The following EIF4B variants were observed in gnomAD, a reference collection of about 807,000 sequenced individuals.
The protein encoded by EIF4B is eukaryotic translation initiation factor 4B.
A neutral mutation model predicts 79.3 loss-of-function variants in EIF4B; 8 were observed. The observed-to-expected ratio is 0.10, with a 90% CI of 0.06 to 0.18. EIF4B has a LOEUF of 0.18. EIF4B is among the 10% of genes least tolerant of loss of function. The pLI, the probability that EIF4B is intolerant of heterozygous loss-of-function variation, is 1.00. For missense variants in EIF4B, 515 were observed against 792.4 expected, an observed-to-expected ratio of 0.65 and a Z score of 4.20; for synonymous variants, 238 against 274.7, an observed-to-expected ratio of 0.87 and a Z score of 1.32.
At chr12:53,035,994 C>T (rs1191824114) in intron 10 of EIF4B, among the ~76,000 whole-genome samples, 2 of 978 alleles carry the variant, frequency 2.0e-3, no homozygotes, top group African/African-American at 3.5e-3. Flanking sequence ...ATTTTTTGAA[C>T]GGGCTGGTCT....
chr12:53,039,794 T>C (rs1943600154), intron 14 of EIF4B, 92 bp downstream of exon 14: 3 of 1,413,380 alleles, frequency 2.1e-6, no homozygotes, highest in Non-Finnish European at 2.9e-6. Context: ...TTCTTAGTAT[T>C]CTAAACTTTT....
At chr12:53,008,100 C>T (rs1942998624) in intron 1 of EIF4B, among the ~76,000 whole-genome samples, 1 of 152,172 alleles carries the variant, frequency 6.6e-6, no homozygotes, top group African/African-American at 2.4e-5. Flanking sequence ...TTAAACTAAC[C>T]ATTGCTTAAA....
At position 53,016,115 on chromosome 12, in the gene EIF4B, G is replaced by A. The variant is rs572016455; in HGVS notation, c.14-358G>A. 5.9e-5 allele frequency among the ~76,000 whole-genome samples: 9 copies of A among 152,236 alleles called. No homozygotes were observed. In the South Asian group the frequency reaches 1.7e-3, roughly 28 times the overall value. Reference sequence around the variant, plus strand: ...TTTATTGATCTTTTTTATCCAAAGAGCAGTGAAAGTAGTAACTGAATAGAA... The same window carrying A: ...TTTATTGATCTTTTTTATCCAAAGAACAGTGAAAGTAGTAACTGAATAGAA... On this transcript the variant is annotated intron_variant, in intron 1 of 14. Transcript: ENST00000262056.
intron 6 of EIF4B, among the ~76,000 whole-genome samples, chr12:53,027,217 T>G (rs1943352282): frequency 7.0e-6 from 1 of 143,190 alleles, no homozygotes. Flanking sequence ...CAGCGCAACC[T>G]CCGCCTCCCG....
chr12:53,040,445 A>C lies in EIF4B; in HGVS notation c.*222A>C. 1 of 461,856 alleles carries C rather than the reference A, an allele frequency of 2.2e-6. No individual in the cohort carries two copies. The highest frequency in any genetic ancestry group is 3.9e-6 in the Non-Finnish European group (1 of 257,344). 28.6% of individuals were successfully genotyped at this position (461,856 alleles called of 1,614,324 possible). A position where few individuals can be genotyped will look rare whatever the true frequency, so the allele number is the denominator to read the frequency against. On this transcript the variant is annotated 3_prime_UTR_variant, in exon 15 of 15. Coordinates refer to ENST00000262056, the MANE Select transcript of EIF4B (RefSeq NM_001417.7). Reference sequence around the variant, plus strand: ...TGCCAATACAGCCAGAGAGAAAGGGACTACAGCTTTTTAGAGGAAAAGTTG... The same window carrying C: ...TGCCAATACAGCCAGAGAGAAAGGGCCTACAGCTTTTTAGAGGAAAAGTTG...
At position 53,040,225 on chromosome 12, in the gene EIF4B, CCT is replaced by C. The variant is rs755294640; in HGVS notation, c.*5_*6del. On this transcript the variant is annotated 3_prime_UTR_variant, in exon 15 of 15. Transcript: ENST00000262056. ...GAGGGAGAAGATTATGCCGAATAGA[CCT>C]CTACATCCTGTGCTTTTCTCCTAGT... 2 of 1,611,240 alleles carry C rather than the reference CCT, an allele frequency of 1.2e-6. No individual in the cohort carries two copies. The highest frequency in any genetic ancestry group is 2.7e-5 in the African/African-American group (2 of 74,982).
intron 10 of EIF4B, 142 bp downstream of exon 10, chr12:53,034,851 C>T (rs1281334326): frequency 1.2e-6 from 1 of 812,510 alleles, no homozygotes; most frequent in South Asian, 1.7e-5. Context: ...AGTTTCATAT[C>T]TTCTGCTCCA....
At chr12:53,014,894 C>G (rs1943123867) in intron 1 of EIF4B, 1 of 152,076 alleles carries the variant, frequency 6.6e-6, no homozygotes, top group South Asian at 2.1e-4. Flanking sequence ...TCACTGAGTC[C>G]CTCTGCTCTT....
At chr12:53,035,104 G>T (rs144473140) in intron 10 of EIF4B, among the ~76,000 whole-genome samples, 1 of 151,990 alleles carries the variant, frequency 6.6e-6, no homozygotes, top group Non-Finnish European at 1.5e-5. Context: ...CCAGAGCAGT[G>T]TTCTCAAGCA....
intron 9 of EIF4B, among the ~76,000 whole-genome samples, chr12:53,034,344 G>A (rs1020472103): frequency 6.6e-6 from 1 of 152,170 alleles, no homozygotes; most frequent in Non-Finnish European, 1.5e-5. Context: ...TGAGTGGCTT[G>A]TAGAACTGTG....
chr12:53,020,105 G>A (rs984588188), intron 4 of EIF4B, 79 bp downstream of exon 4: 68 of 1,202,748 alleles, frequency 5.7e-5, no homozygotes, highest in Non-Finnish European at 6.1e-5. Context: ...GTATTTTTTA[G>A]GTTGAGAGGC....
intron 6 of EIF4B, among the ~76,000 whole-genome samples, chr12:53,026,881 T>C (rs1943343267): frequency 1.3e-5 from 2 of 152,110 alleles, no homozygotes; most frequent in African/African-American, 4.8e-5. Flanking sequence ...TTTGTACCAT[T>C]TAAAATTATG....
intron 4 of EIF4B, among the ~76,000 whole-genome samples, chr12:53,021,085 G>C (rs911636977): frequency 4.6e-5 from 7 of 152,242 alleles, no homozygotes; most frequent in African/African-American, 1.7e-4. Context: ...TTCAACTGTA[G>C]ATTCTACTAT....
chr12:53,008,362 A>C (rs1212886293), intron 1 of EIF4B, among the ~76,000 whole-genome samples: 1 of 152,184 alleles, frequency 6.6e-6, no homozygotes, highest in Non-Finnish European at 1.5e-5. Context: ...CACTTCAGTA[A>C]ATCTTTTTAG....
At chr12:53,025,392 T>C in intron 6 of EIF4B, 1 of 369,026 alleles carries the variant, frequency 2.7e-6, no homozygotes, top group Non-Finnish European at 5.3e-6. Flanking sequence ...TCAACTTAGT[T>C]AACCTGAATT....
Position 53,041,435 on chromosome 12 carries a change from C to T in EIF4B, c.*1212C>T, listed in dbSNP as rs1174955064. ...GATGGGATTTTTCCCCCCAAGTTTC[C>T]TTCTCCACTGAAATGCCACACTAAT... On this transcript the variant is annotated 3_prime_UTR_variant, in exon 15 of 15. Transcript: ENST00000262056. 1 of 152,116 alleles carries T rather than the reference C, an allele frequency of 6.6e-6. No homozygotes were observed. The allele number at this position is 152,116 out of a possible 1,614,324, so 9.4% of individuals were successfully genotyped here.
At chr12:53,036,737 T>G (rs1943547784) in intron 10 of EIF4B, among the ~76,000 whole-genome samples, 1 of 152,106 alleles carries the variant, frequency 6.6e-6, no homozygotes, top group Non-Finnish European at 1.5e-5. Context: ...TGTAGGTTGT[T>G]GTTTTTTGAG....
rs199924192 is a variant in EIF4B at position 53,022,241 on chromosome 12, GTA to G, written c.533-248_533-247del. The G allele has an allele frequency of 5.3e-4, 363 of 689,326 alleles. 2 individuals carry two copies. In the East Asian group the frequency reaches 9.1e-3, roughly 17 times the overall value. The allele number at this position is 689,326 out of a possible 1,614,324, so 42.7% of individuals were successfully genotyped here. ...GTTGGTCACAAAGGGGACCTAATTT[GTA>G]TATGTTTCAGGGACTCCTGGCCCAT... On this transcript the variant is annotated intron_variant, in intron 5 of 14. Coordinates refer to ENST00000262056, the MANE Select transcript of EIF4B (RefSeq NM_001417.7).
In EIF4B at chr12:53,033,964, C is replaced by A; in HGVS notation, c.1138C>A (p.Leu380Ile). Residue 380 changes from leucine to isoleucine, a missense_variant, in exon 9 of 15, where the codon CTA becomes ATA. Physicochemically the swap from Leu to Ile is conservative, Grantham distance 5. Transcript: ENST00000262056. Reference protein sequence around the residue: ...AAREREVEERLQKEQEKLQRQ... With the variant: ...AAREREVEERIQKEQEKLQRQ... ...TAGAGAAAGAGAAGTAGAAGAACGG[C>A]TACAGAAGGAACAAGAGAAGTTGCA... The A allele has an allele frequency of 1.2e-6, 2 of 1,614,066 alleles. No individual in the cohort carries two copies. Among genetic ancestry groups the A allele is most frequent in the South Asian group, 2.2e-5 (2 of 91,060 alleles).
Sources: gnomAD v4.1 joint callset for allele counts (sites outside exome capture counted in the v4.1 genomes callset) on GRCh38, gnomAD v4.1.1 for gene constraint, MANE v1.5 for transcripts, NCBI Gene and HGNC (gene_info 2026-07-23, HGNC 2026-07-21) for gene names.